The following SMCO2 variants were observed in gnomAD, a reference collection of about 807,000 sequenced individuals.
SMCO2 encodes the protein single-pass membrane protein with coiled-coil domains 2.
Under a neutral mutation model 29.5 loss-of-function variants are expected in SMCO2, and 25 were observed. That is an observed-to-expected ratio of 0.85 (90% CI 0.62 to 1.18). The LOEUF (loss-of-function observed/expected upper bound fraction) is 1.18, where lower values mean the gene tolerates loss of function less well. Among genes scored for constraint, SMCO2 ranks in the 50% most tolerant of loss-of-function variants. The pLI, the probability that SMCO2 is intolerant of heterozygous loss-of-function variation, is 0.00. For missense variants in SMCO2, 348 were observed against 344.5 expected, an observed-to-expected ratio of 1.01 and a Z score of -0.08; for synonymous variants, 117 against 123.3, an observed-to-expected ratio of 0.95 and a Z score of 0.34.
the SMCO2 span, among the ~76,000 whole-genome samples, chr12:27,434,126 G>A: frequency 2.6e-5 from 4 of 152,150 alleles, no homozygotes; most frequent in Non-Finnish European, 5.9e-5. Context: ...ATAACCTAGC[G>A]CCAAAACAGA....
Position 27,472,635 on chromosome 12 carries a change from A to G in SMCO2, c.135-141A>G. The G allele has an allele frequency of 9.2e-6, 5 of 543,216 alleles. No individual in the cohort carries two copies. In the South Asian group the frequency reaches 1.1e-4, roughly 12 times the overall value. 33.6% of individuals were successfully genotyped at this position (543,216 alleles called of 1,614,324 possible). On this transcript the variant is annotated intron_variant, in intron 2 of 7. Coordinates refer to ENST00000298876, the Ensembl canonical transcript of SMCO2. Reference sequence around the variant, plus strand: ...ATATGTGAGGTGTTATTCACCCAGAAAGAACTCAGTACAAGGATAGCAGAT... The same window carrying G: ...ATATGTGAGGTGTTATTCACCCAGAGAGAACTCAGTACAAGGATAGCAGAT...
chr12:27,498,121 C>A, intron 7 of SMCO2: 1 of 354,898 alleles, frequency 2.8e-6, no homozygotes, highest in South Asian at 3.1e-5. Context: ...ATGGCTGTAT[C>A]AAATAAACTG....
the SMCO2 span, among the ~76,000 whole-genome samples, chr12:27,454,736 C>A: frequency 6.6e-6 from 1 of 152,154 alleles, no homozygotes; most frequent in Non-Finnish European, 1.5e-5. Context: ...GCCCTCCACC[C>A]CACAACGGGC....
intron 5 of SMCO2, among the ~76,000 whole-genome samples, chr12:27,491,655 T>C (rs1215301113): frequency 6.6e-6 from 1 of 151,920 alleles, no homozygotes; most frequent in East Asian, 1.9e-4. Context: ...AATGGCCACT[T>C]ACATAGGATG....
intron 4 of SMCO2, among the ~76,000 whole-genome samples, chr12:27,482,434 G>A (rs1221356898): frequency 2.0e-5 from 3 of 152,152 alleles, no homozygotes; most frequent in Non-Finnish European, 4.4e-5. Flanking sequence ...TCGAGCAGCT[G>A]GGATTACAGG....
At chr12:27,454,828 T>A in the SMCO2 span, among the ~76,000 whole-genome samples, 2 of 152,218 alleles carry the variant, frequency 1.3e-5, no homozygotes, top group Admixed American at 6.5e-5. Context: ...ATGTGGTGTT[T>A]GGTTTTCTGC....
chr12:27,438,229 G>T, the SMCO2 span, among the ~76,000 whole-genome samples: 4 of 152,094 alleles, frequency 2.6e-5, no homozygotes, highest in Admixed American at 6.5e-5. Flanking sequence ...CCTTTAACCC[G>T]CTGGCCATTC....
chr12:27,464,304 A>AG (rs1410477567), upstream of SMCO2, among the ~76,000 whole-genome samples: 1 of 152,144 alleles, frequency 6.6e-6, no homozygotes, highest in African/African-American at 2.4e-5. Context: ...GGCAGAGGCG[A>AG]GGTCACCGCC....
At chr12:27,452,115 A>G in the SMCO2 span, among the ~76,000 whole-genome samples, 1 of 152,342 alleles carries the variant, frequency 6.6e-6, no homozygotes, top group East Asian at 1.9e-4. Flanking sequence ...ATGAAGCTTT[A>G]TCAGAAGGAT....
At chr12:27,447,055 C>T in the SMCO2 span, among the ~76,000 whole-genome samples, 2 of 152,260 alleles carry the variant, frequency 1.3e-5, no homozygotes, top group African/African-American at 4.8e-5. Context: ...AGTTTCCACA[C>T]TGTAGTCAGT....
upstream of SMCO2, among the ~76,000 whole-genome samples, chr12:27,466,648 C>A (rs575344748): frequency 6.6e-6 from 1 of 152,196 alleles, no homozygotes; most frequent in South Asian, 2.1e-4. Context: ...AGGACTTAGT[C>A]TCCAGAGTTA....
the SMCO2 span, among the ~76,000 whole-genome samples, chr12:27,450,248 C>T: frequency 1.3e-5 from 2 of 152,174 alleles, no homozygotes; most frequent in Admixed American, 1.3e-4. Context: ...GCCTTGCAAT[C>T]CCTACCTTGG....
upstream of SMCO2, among the ~76,000 whole-genome samples, chr12:27,462,959 T>C (rs1949469714): frequency 6.6e-6 from 1 of 152,178 alleles, no homozygotes; most frequent in South Asian, 2.1e-4. Context: ...TCAGGACTCA[T>C]TGAGCAGGGG....
the SMCO2 span, among the ~76,000 whole-genome samples, chr12:27,427,729 G>A: frequency 6.6e-6 from 1 of 152,134 alleles, no homozygotes; most frequent in South Asian, 2.1e-4. Flanking sequence ...AATTGGTGTA[G>A]GTACTGCAAC....
At chr12:27,464,039 G>A (rs974245946), upstream of SMCO2, among the ~76,000 whole-genome samples, 1 of 152,114 alleles carries the variant, frequency 6.6e-6, no homozygotes, top group Admixed American at 6.5e-5. Flanking sequence ...TCCCAGCAGA[G>A]GCACTCAAGC....
At chr12:27,425,440 A>T in the SMCO2 span, among the ~76,000 whole-genome samples, 1 of 151,974 alleles carries the variant, frequency 6.6e-6, no homozygotes, top group African/African-American at 2.4e-5. Context: ...AACAACTCCA[A>T]AATCTCAGTG....
intron 1 of SMCO2, among the ~76,000 whole-genome samples, chr12:27,468,565 G>GT (rs1355780854): frequency 1.3e-5 from 2 of 152,214 alleles, no homozygotes; most frequent in East Asian, 3.8e-4. Flanking sequence ...CAGTTCCTCA[G>GT]TTGCACTGGC....
intron 7 of SMCO2, chr12:27,497,371 T>A: frequency 4.7e-6 from 1 of 212,990 alleles, no homozygotes; most frequent in Non-Finnish European, 1.0e-5. Context: ...AATTTGATGA[T>A]AGATGATTTG....
rs115652630 is a variant in SMCO2 at position 27,467,345 on chromosome 12, G to C, written c.-11+370G>C. Reference sequence around the variant, plus strand: ...TAAGCACACAAGAATGAAGACATGGGGTGTAGGGAGAAGAAGGAGTCTATT... The same window carrying C: ...TAAGCACACAAGAATGAAGACATGGCGTGTAGGGAGAAGAAGGAGTCTATT... On this transcript the variant is annotated intron_variant, in intron 1 of 7. Coordinates refer to ENST00000298876, the Ensembl canonical transcript of SMCO2. Among the ~76,000 whole-genome samples the C allele has an allele frequency of 7.3e-3, 1,105 of 152,036 alleles. 14 individuals carry two copies. Among genetic ancestry groups the C allele is most frequent in the African/African-American group, 0.025 (1,042 of 41,434 alleles).
Sources: gnomAD v4.1 joint callset for allele counts (sites outside exome capture counted in the v4.1 genomes callset) on GRCh38, gnomAD v4.1.1 for gene constraint, MANE v1.5 for transcripts, NCBI Gene and HGNC (gene_info 2026-07-23, HGNC 2026-07-21) for gene names.